SMIM27: variants seen among roughly 807,000 people sequenced by gnomAD.
SMIM27 encodes the protein TOPORS antisense RNA 1 (non-protein coding).
A neutral mutation model predicts 1.8 loss-of-function variants in SMIM27; 3 were observed. The observed-to-expected ratio is 1.65, with a 90% confidence interval of 0.75 to 4.28. The LOEUF (loss-of-function observed/expected upper bound fraction) is 4.28, where lower values mean the gene tolerates loss of function less well. Among genes scored for constraint, SMIM27 ranks in the 30% most tolerant of loss-of-function variants. The pLI is 0.02. For synonymous variants in SMIM27, 19 were observed against 13.9 expected (o/e 1.37, Z -0.82); for missense variants, 63 against 37.0 (o/e 1.70, Z -1.83).
chr9:32,557,294 G>T (rs975033286), downstream of SMIM27, among the ~76,000 whole-genome samples: 2 of 149,852 alleles, frequency 1.3e-5, no homozygotes, highest in Non-Finnish European at 3.0e-5. Context: ...CCTCCAGGTA[G>T]CTGGGATTAC....
At chr9:32,558,902 A>C (rs767430552) in intron 1 of SMIM27, 2 of 1,553,350 alleles carry the variant, frequency 1.3e-6, no homozygotes, top group African/African-American at 2.7e-5. Context: ...AGAAGTGTTA[A>C]GACTTACAGG....
downstream of SMIM27, among the ~76,000 whole-genome samples, chr9:32,554,143 T>TA (rs1199251040): frequency 6.6e-6 from 1 of 152,164 alleles, no homozygotes; most frequent in African/African-American, 2.4e-5. Flanking sequence ...AGTGAAATAA[T>TA]AGGGAAATTT....
downstream of SMIM27, chr9:32,553,013 G>T: frequency 1.7e-6 from 1 of 590,146 alleles, no homozygotes; most frequent in Admixed American, 3.1e-5. Flanking sequence ...AAGTTCCCAA[G>T]TTTATTTTTG....
intron 1 of SMIM27, chr9:32,566,165 C>T: frequency 4.3e-6 from 3 of 705,284 alleles, no homozygotes; most frequent in Non-Finnish European, 7.7e-6. Context: ...CGCTTTCACA[C>T]AGGCCACTTC....
At chr9:32,552,004 C>CG (rs1360994173), upstream of SMIM27, among the ~76,000 whole-genome samples, 2 of 143,924 alleles carry the variant, frequency 1.4e-5, no homozygotes, top group Non-Finnish European at 3.0e-5. Flanking sequence ...GGGGAGGGAG[C>CG]GGGGGAGAAA....
chr9:32,565,032 C>T (rs974240010), intron 1 of SMIM27, among the ~76,000 whole-genome samples: 2 of 152,208 alleles, frequency 1.3e-5, no homozygotes, highest in African/African-American at 4.8e-5. Context: ...GTGGCTCACG[C>T]TTGTAATCCC....
Position 32,552,812 on chromosome 9 carries a change from C to T in SMIM27, c.57C>T (p.Ala19=), listed in dbSNP as rs2118989878. ...LDWIYSVLLL[A]IVLISWGCII... ...GATTTTTGGTTTAGTTGCTGCTTGC[C>T]ATCGTTTTAATCTCCTGGGGCTGCA... Residue 19 remains alanine, a synonymous_variant, in exon 2 of 2, where the codon GCC becomes GCT. Coordinates refer to ENST00000692500, the MANE Select transcript of SMIM27 (RefSeq NM_001387564.1). 2.9e-6 allele frequency: 2 copies of T among 701,548 alleles called. No individual in the cohort carries two copies. The highest frequency in any genetic ancestry group is 1.5e-5 in the South Asian group (1 of 67,232). 43.5% of individuals were successfully genotyped at this position (701,548 alleles called of 1,614,324 possible).
downstream of SMIM27, among the ~76,000 whole-genome samples, chr9:32,555,581 T>C (rs886550387): frequency 1.3e-5 from 2 of 152,260 alleles, no homozygotes; most frequent in African/African-American, 4.8e-5. Context: ...CAAATATTTT[T>C]CTTTTCATGC....
intron 1 of SMIM27, among the ~76,000 whole-genome samples, chr9:32,563,846 A>T (rs746170351): frequency 1.6e-4 from 24 of 152,226 alleles, no homozygotes; most frequent in Non-Finnish European, 3.1e-4. Context: ...TTTGAAGTTC[A>T]AACTGCCCAG....
chr9:32,553,062 CACTT>C (rs1235851133), downstream of SMIM27: 5 of 521,964 alleles, frequency 9.6e-6, no homozygotes, highest in African/African-American at 5.8e-5. Context: ...GCAAATTTTT[CACTT>C]AGAGATTTTA....
chr9:32,554,473 A>C (rs1409188512), downstream of SMIM27, among the ~76,000 whole-genome samples: 1 of 152,216 alleles, frequency 6.6e-6, no homozygotes, highest in Non-Finnish European at 1.5e-5. Flanking sequence ...AAGTGGTAAG[A>C]ATCTTGGAAC....
chr9:32,557,744 TG>T (rs977789139), downstream of SMIM27, among the ~76,000 whole-genome samples: 1 of 152,138 alleles, frequency 6.6e-6, no homozygotes, highest in Non-Finnish European at 1.5e-5. Flanking sequence ...CCCAAAGTGC[TG>T]GGATTACACG....
chr9:32,553,893 G>A (rs1372793597), downstream of SMIM27: 2 of 1,594,764 alleles, frequency 1.3e-6, no homozygotes, highest in South Asian at 2.2e-5. Context: ...TGTTGATCAG[G>A]AAATTCTTTC....
chr9:32,554,133 A>C (rs1205943823), downstream of SMIM27, among the ~76,000 whole-genome samples: 1 of 152,244 alleles, frequency 6.6e-6, no homozygotes, highest in Non-Finnish European at 1.5e-5. Flanking sequence ...TTTAAGGTAT[A>C]GTGAAATAAT....
At chr9:32,559,581 A>G (rs1345068367) in intron 1 of SMIM27, among the ~76,000 whole-genome samples, 1 of 152,166 alleles carries the variant, frequency 6.6e-6, no homozygotes. Context: ...TTGTGCCTCA[A>G]GGCCTCTGTA....
At chr9:32,553,092 A>C, downstream of SMIM27, 1 of 506,286 alleles carries the variant, frequency 2.0e-6, no homozygotes, top group Non-Finnish European at 3.5e-6. Context: ...TTACATTCTC[A>C]TGACAAAATT....
rs761185800 is a variant in SMIM27, at chr9:32,552,844, A to G, written c.89A>G (p.Tyr30Cys). ...IVLISWGCIIYASMVSARRQL... is the reference protein window; with the variant it reads ...IVLISWGCIICASMVSARRQL... ...TTAATCTCCTGGGGCTGCATCATCT[A>G]TGCTTCGATGGTGTCTGCAAGACGA... The change falls in exon 2 of 2, where the codon TAT becomes TGT. Residue 30 changes from tyrosine (Y) to cysteine (C), a missense_variant. Tyr to Cys is a radical substitution (Grantham distance 194). Coordinates refer to ENST00000692500, the MANE Select transcript of SMIM27 (RefSeq NM_001387564.1). 10 of 702,762 alleles carry G rather than the reference A, an allele frequency of 1.4e-5. No individual in the cohort carries two copies. Among genetic ancestry groups the G allele is most frequent in the African/African-American group, 3.5e-5 (2 of 57,352 alleles). The allele number at this position is 702,762 out of a possible 1,614,324, so 43.5% of individuals were successfully genotyped here. A position where few individuals can be genotyped will look rare whatever the true frequency, so the allele number is the denominator to read the frequency against.
At chr9:32,552,293 G>C, upstream of SMIM27, 1 of 1,261,662 alleles carries the variant, frequency 7.9e-7, no homozygotes, top group Non-Finnish European at 1.1e-6. Flanking sequence ...AGAGGCCAGC[G>C]ACAGCGCTGC....
At chr9:32,566,410 A>T in exon 2 of SMIM27, 2 of 892,548 alleles carry the variant, frequency 2.2e-6, no homozygotes, top group South Asian at 2.6e-5. Context: ...CCAGAAGAGG[A>T]GCCTGCTCTC....
Sources: gnomAD v4.1 joint callset for allele counts (sites outside exome capture counted in the v4.1 genomes callset) on GRCh38, gnomAD v4.1.1 for gene constraint, MANE v1.5 for transcripts, NCBI Gene and HGNC (gene_info 2026-07-23, HGNC 2026-07-21) for gene names.